Variants in SUSD5 observed in about 807,000 individuals in gnomAD.
SUSD5 encodes sushi domain-containing protein 5.
SUSD5 carries 33 observed loss-of-function variants against 29.5 expected under a neutral mutation model. That is an observed-to-expected ratio of 1.12 (90% CI 0.85 to 1.49). The LOEUF is 1.49. Ranked by LOEUF, SUSD5 falls within the 40% of genes most tolerant of loss-of-function variation. The probability of loss-of-function intolerance (pLI) is 0.00; values close to 1 mark genes in which losing one functional copy is unlikely to be tolerated. For missense variants in SUSD5, 776 were observed against 800.6 expected (o/e 0.97, Z 0.37); for synonymous variants, 308 against 325.3 (o/e 0.95, Z 0.57).
At chr3:33,209,391 C>T (rs1411715734) in intron 2 of SUSD5, among the ~76,000 whole-genome samples, 1 of 151,942 alleles carries the variant, frequency 6.6e-6, no homozygotes, top group African/African-American at 2.4e-5. Context: ...TTCTCTTCTC[C>T]TTTTAGAATT....
chr3:33,186,405 G>A (rs144774082), intron 3 of SUSD5, among the ~76,000 whole-genome samples: 2,300 of 151,088 alleles, frequency 0.015, 55 homozygotes, highest in African/African-American at 0.052. Context: ...GCAGCTTGTA[G>A]TTTGGTAGCA....
At chr3:33,213,181 G>A (rs2032352731) in intron 2 of SUSD5, among the ~76,000 whole-genome samples, 1 of 152,154 alleles carries the variant, frequency 6.6e-6, no homozygotes, top group African/African-American at 2.4e-5. Context: ...GCCAAAGCAG[G>A]AGGATTGCTT....
intron 1 of SUSD5, among the ~76,000 whole-genome samples, chr3:33,217,685 C>G (rs934309107): frequency 6.6e-6 from 1 of 151,788 alleles, no homozygotes; most frequent in Non-Finnish European, 1.5e-5. Flanking sequence ...TTCCTGACAA[C>G]CATGCTTTTT....
At chr3:33,189,865 G>A (rs1316579596) in intron 3 of SUSD5, among the ~76,000 whole-genome samples, 4 of 152,084 alleles carry the variant, frequency 2.6e-5, no homozygotes, top group Admixed American at 2.0e-4. Flanking sequence ...AATTTCCCCA[G>A]TATTTAAATA....
intron 4 of SUSD5, among the ~76,000 whole-genome samples, chr3:33,154,763 G>A (rs1416396568): frequency 1.3e-5 from 2 of 152,120 alleles, no homozygotes; most frequent in Admixed American, 6.6e-5. Flanking sequence ...ACATTGCTAA[G>A]CAAAATTAAA....
intron 3 of SUSD5, among the ~76,000 whole-genome samples, chr3:33,207,505 C>T (rs138647498): frequency 6.6e-6 from 1 of 152,290 alleles, no homozygotes; most frequent in African/African-American, 2.4e-5. Flanking sequence ...GCTCCCTCAC[C>T]CCAATCAGAA....
intron 4 of SUSD5, among the ~76,000 whole-genome samples, chr3:33,159,702 C>T (rs1483732770): frequency 1.8e-5 from 2 of 108,206 alleles, no homozygotes; most frequent in African/African-American, 3.7e-5. Flanking sequence ...ACCAAACACA[C>T]CCATACACAC....
intron 3 of SUSD5, among the ~76,000 whole-genome samples, chr3:33,200,922 G>C (rs2032104645): frequency 6.6e-6 from 1 of 152,100 alleles, no homozygotes; most frequent in African/African-American, 2.4e-5. Flanking sequence ...GACTGGCCTG[G>C]CTCCTTTATT....
At chr3:33,199,434 C>T (rs1206887566) in intron 3 of SUSD5, among the ~76,000 whole-genome samples, 2 of 152,136 alleles carry the variant, frequency 1.3e-5, no homozygotes, top group African/African-American at 2.4e-5. Context: ...CCACCACGCC[C>T]GGCTAACTTT....
At chr3:33,203,605 G>A (rs530816212) in intron 3 of SUSD5, among the ~76,000 whole-genome samples, 3 of 152,300 alleles carry the variant, frequency 2.0e-5, no homozygotes, top group Admixed American at 6.5e-5. Context: ...GGTGTCACGG[G>A]AGCCTTGGCA....
chr3:33,198,021 TAATAC>T (rs965091166), intron 3 of SUSD5, among the ~76,000 whole-genome samples: 10 of 152,202 alleles, frequency 6.6e-5, no homozygotes, highest in African/African-American at 1.7e-4. Flanking sequence ...GCTGTATATA[TAATAC>T]ATGTATATAT....
At chr3:33,187,528 T>C (rs1207727275) in intron 3 of SUSD5, among the ~76,000 whole-genome samples, 3 of 152,186 alleles carry the variant, frequency 2.0e-5, no homozygotes, top group Non-Finnish European at 4.4e-5. Flanking sequence ...GCAACTTGAA[T>C]TAGTTCCTTT....
At chr3:33,216,478 T>C (rs1385565061) in intron 1 of SUSD5, among the ~76,000 whole-genome samples, 1 of 152,166 alleles carries the variant, frequency 6.6e-6, no homozygotes, top group Non-Finnish European at 1.5e-5. Flanking sequence ...CCATCATACG[T>C]TTGATATCAA....
intron 3 of SUSD5, among the ~76,000 whole-genome samples, chr3:33,190,752 A>G (rs1270861347): frequency 6.6e-6 from 1 of 152,192 alleles, no homozygotes; most frequent in Non-Finnish European, 1.5e-5. Flanking sequence ...CTGCCTGATG[A>G]CAGATCCTCC....
chr3:33,202,070 A>ATCTG (rs1559455578), intron 3 of SUSD5, among the ~76,000 whole-genome samples: 141 of 114,244 alleles, frequency 1.2e-3, no homozygotes, highest in African/African-American at 4.6e-3. Context: ...CTGTCTATCT[A>ATCTG]TCTATCTATC....
At chr3:33,192,218 C>A (rs2031907155) in intron 3 of SUSD5, among the ~76,000 whole-genome samples, 1 of 151,118 alleles carries the variant, frequency 6.6e-6, no homozygotes, top group Non-Finnish European at 1.5e-5. Flanking sequence ...GGACTACAGG[C>A]ATGCGCCACC....
At chr3:33,173,416 C>A (rs1431807486) in intron 4 of SUSD5, among the ~76,000 whole-genome samples, 1 of 152,170 alleles carries the variant, frequency 6.6e-6, no homozygotes, top group Admixed American at 6.5e-5. Flanking sequence ...AGGCTAAGGA[C>A]AATTATAGCA....
intron 3 of SUSD5, among the ~76,000 whole-genome samples, chr3:33,206,265 T>C (rs2032216430): frequency 6.6e-6 from 1 of 151,734 alleles, no homozygotes; most frequent in Admixed American, 6.6e-5. Context: ...TCCTAGCTAC[T>C]CAGGAGGCTG....
At chr3:33,206,910 C>G (rs1012126250) in intron 3 of SUSD5, among the ~76,000 whole-genome samples, 6 of 152,028 alleles carry the variant, frequency 3.9e-5, no homozygotes, top group African/African-American at 1.4e-4. Context: ...TTTAATTACT[C>G]CCCCCACCCC....
Sources: allele counts gnomAD v4.1 joint callset (sites outside exome capture counted in the v4.1 genomes callset), GRCh38; gene constraint gnomAD v4.1.1; transcripts MANE v1.5; gene names NCBI Gene and HGNC (gene_info 2026-07-23, HGNC 2026-07-21).